Variants in PCDH15 observed in about 807,000 individuals in gnomAD.
PCDH15 encodes protocadherin related 15, also known as protocadherin-15.
Under a neutral mutation model 178.5 loss-of-function variants are expected in PCDH15, and 129 were observed. The observed-to-expected ratio is 0.72, with a 90% CI of 0.63 to 0.84. PCDH15 has a LOEUF of 0.84. PCDH15 is among the 40% of genes least tolerant of loss of function. The pLI is 0.00. For synonymous variants in PCDH15, 800 were observed against 732.0 expected (o/e 1.09, Z -1.50); for missense variants, 2,230 against 2,099.9 (o/e 1.06, Z -1.21).
At chr10:55,389,030 T>A (rs1193889570) in intron 2 of PCDH15, among the ~76,000 whole-genome samples, 2 of 152,154 alleles carry the variant, frequency 1.3e-5, no homozygotes, top group African/African-American at 4.8e-5. Flanking sequence ...TGCATTTCTT[T>A]CTTATAACTG....
chr10:55,214,438 G>A (rs1048840983), intron 1 of PCDH15, among the ~76,000 whole-genome samples: 3 of 151,578 alleles, frequency 2.0e-5, no homozygotes, highest in African/African-American at 7.3e-5. Context: ...TATGTATTTA[G>A]ACACGCACAA....
At chr10:55,249,950 C>G (rs970877303) in intron 1 of PCDH15, among the ~76,000 whole-genome samples, 5 of 151,858 alleles carry the variant, frequency 3.3e-5, no homozygotes, top group African/African-American at 1.2e-4. Context: ...ATATTTTGGT[C>G]ATGATCTCTA....
At chr10:54,796,821 A>G (rs527288480) in intron 1 of PCDH15, among the ~76,000 whole-genome samples, 3 of 152,146 alleles carry the variant, frequency 2.0e-5, no homozygotes, top group South Asian at 2.1e-4. Flanking sequence ...TTCTAAAGTA[A>G]TAAAAACCTC....
chr10:53,821,325 C>T (rs747056491), intron 32 of PCDH15: 2 of 988,462 alleles, frequency 2.0e-6, no homozygotes, highest in Non-Finnish European at 2.4e-6. Flanking sequence ...TTTTGAAATA[C>T]CTTATGTCTG....
At chr10:54,551,396 T>C (rs900650270) in intron 2 of PCDH15, among the ~76,000 whole-genome samples, 2 of 152,090 alleles carry the variant, frequency 1.3e-5, no homozygotes, top group African/African-American at 4.8e-5. Flanking sequence ...CTAGTTTTAA[T>C]ATATGGATGC....
intron 2 of PCDH15, among the ~76,000 whole-genome samples, chr10:55,626,178 T>TAAATA (rs1564490452): frequency 3.3e-5 from 5 of 151,082 alleles, no homozygotes; most frequent in East Asian, 2.0e-4. Flanking sequence ...AATAAATAAA[T>TAAATA]AAATAAAATA....
chr10:55,152,329 T>A (rs1230329984), intron 2 of PCDH15, among the ~76,000 whole-genome samples: 1 of 147,730 alleles, frequency 6.8e-6, no homozygotes, highest in East Asian at 2.0e-4. Flanking sequence ...CGTATAGGTT[T>A]TGCCATGTGG....
intron 2 of PCDH15, among the ~76,000 whole-genome samples, chr10:55,616,554 C>A (rs1194804942): frequency 1.3e-5 from 2 of 149,374 alleles, no homozygotes; most frequent in South Asian, 2.1e-4. Context: ...CTGAGTGATA[C>A]AGAAATTTGT....
At chr10:54,939,218 G>C (rs1027477970) in intron 2 of PCDH15, among the ~76,000 whole-genome samples, 5 of 151,848 alleles carry the variant, frequency 3.3e-5, no homozygotes, top group Admixed American at 2.6e-4. Context: ...ATGTAGGCCG[G>C]GCGTGGTGGC....
intron 2 of PCDH15, among the ~76,000 whole-genome samples, chr10:54,968,479 G>A (rs536864751): frequency 6.7e-6 from 1 of 150,052 alleles, no homozygotes; most frequent in South Asian, 2.1e-4. Context: ...AATGCTTCTT[G>A]GCAGTCTCCT....
chr10:54,822,761 C>T (rs3843596), intron 3 of PCDH15, among the ~76,000 whole-genome samples: 150,919 of 152,198 alleles, frequency 0.99, 74,840 homozygotes, highest in Middle Eastern at 1. Flanking sequence ...AACAGGAATA[C>T]TTCCCTTCCT....
chr10:53,916,776 T>C (rs2083562869), intron 25 of PCDH15, among the ~76,000 whole-genome samples: 1 of 152,170 alleles, frequency 6.6e-6, no homozygotes, highest in Admixed American at 6.5e-5. Flanking sequence ...TTCTTATTCA[T>C]AACATGATAG....
At chr10:53,822,009 T>A (rs2076300184) in intron 32 of PCDH15, 1 of 1,613,996 alleles carries the variant, frequency 6.2e-7, no homozygotes, top group Non-Finnish European at 8.5e-7. Context: ...GCGTAGATAG[T>A]TTTTTTCTAT....
chr10:54,618,927 C>G (rs1375398507), intron 2 of PCDH15, among the ~76,000 whole-genome samples: 2 of 151,852 alleles, frequency 1.3e-5, no homozygotes, highest in African/African-American at 4.8e-5. Context: ...GATAAAATGG[C>G]ACTCCAGGAG....
At chr10:54,079,731 A>G (rs894108555) in intron 16 of PCDH15, among the ~76,000 whole-genome samples, 2 of 152,150 alleles carry the variant, frequency 1.3e-5, no homozygotes, top group Non-Finnish European at 2.9e-5. Flanking sequence ...GTTTTCGATT[A>G]TTTCAAGAGA....
intron 1 of PCDH15, among the ~76,000 whole-genome samples, chr10:54,799,669 G>A (rs564484172): frequency 3.9e-5 from 6 of 152,038 alleles, no homozygotes; most frequent in South Asian, 2.1e-4. Context: ...TTAGGAGGTC[G>A]CCACTCAGTG....
At chr10:54,365,031 C>T (rs1946600652) in intron 5 of PCDH15, among the ~76,000 whole-genome samples, 1 of 152,032 alleles carries the variant, frequency 6.6e-6, no homozygotes, top group Non-Finnish European at 1.5e-5. Context: ...GTTCCTCTTC[C>T]CTTGCCTCTC....
intron 2 of PCDH15, among the ~76,000 whole-genome samples, chr10:55,455,577 G>T (rs1839532181): frequency 6.7e-6 from 1 of 148,708 alleles, no homozygotes; most frequent in African/African-American, 2.5e-5. Flanking sequence ...ATACTGTACT[G>T]TTTCTTCGTT....
chr10:55,003,659 C>T (rs1000517967), intron 2 of PCDH15, among the ~76,000 whole-genome samples: 9 of 152,078 alleles, frequency 5.9e-5, no homozygotes, highest in African/African-American at 2.2e-4. Context: ...TATAATAGGA[C>T]ACAATTGTAG....
Sources: gnomAD v4.1 joint callset for allele counts (sites outside exome capture counted in the v4.1 genomes callset) on GRCh38, gnomAD v4.1.1 for gene constraint, MANE v1.5 for transcripts, NCBI Gene and HGNC (gene_info 2026-07-23, HGNC 2026-07-21) for gene names.